GPR180: variants seen among roughly 807,000 people sequenced by gnomAD.
GPR180 encodes G protein-coupled receptor 180.
A neutral mutation model predicts 52.6 loss-of-function variants in GPR180; 53 were observed. That is an observed-to-expected ratio of 1.01 (90% CI 0.81 to 1.27). The LOEUF is 1.27. GPR180 is among the 50% of genes most tolerant of loss of function. The probability of loss-of-function intolerance (pLI) is 0.00; values close to 1 mark genes in which losing one functional copy is unlikely to be tolerated. For missense variants in GPR180, 533 were observed against 527.0 expected (o/e 1.01, Z -0.11); for synonymous variants, 200 against 193.1 (o/e 1.04, Z -0.30).
At chr13:94,609,988 C>T (rs1400102597) in intron 2 of GPR180, among the ~76,000 whole-genome samples, 1 of 152,116 alleles carries the variant, frequency 6.6e-6, no homozygotes, top group African/African-American at 2.4e-5. Flanking sequence ...TCCCAACATA[C>T]AGAAAGGTTG....
At position 94,633,822 on chromosome 13, in the gene GPR180, G is replaced by T. The variant is rs1890030466; in HGVS notation, c.*6651G>T. 1 of 150,070 alleles carries T rather than the reference G, an allele frequency of 6.7e-6. No homozygotes were observed. Among genetic ancestry groups the T allele is most frequent in the Admixed American group, 6.6e-5 (1 of 15,120 alleles). 9.3% of individuals were successfully genotyped at this position (150,070 alleles called of 1,614,324 possible). On this transcript the variant is annotated 3_prime_UTR_variant, in exon 9 of 9. Coordinates refer to ENST00000376958, the MANE Select transcript of GPR180 (RefSeq NM_180989.6). ...TGTATTTTCATCTAGTGGTTTTATG[G>T]TTTTATTTTGTATGTTTTTTTCATC...
intron 1 of GPR180, among the ~76,000 whole-genome samples, chr13:94,604,612 G>C (rs1056448072): frequency 1.3e-5 from 2 of 152,012 alleles, no homozygotes; most frequent in African/African-American, 4.8e-5. Flanking sequence ...GTTTTGCTCT[G>C]TCACCCAGAC....
At chr13:94,615,988 GT>G (rs1445794779) in intron 3 of GPR180, among the ~76,000 whole-genome samples, 1 of 152,170 alleles carries the variant, frequency 6.6e-6, no homozygotes, top group Non-Finnish European at 1.5e-5. Context: ...ATAACAAGAA[GT>G]TTTGCGGCTT....
rs1200142698 is a variant in GPR180, at chr13:94,623,280, T to G, written c.1066T>G (p.Phe356Val). 1.2e-6 allele frequency: 2 copies of G among 1,611,814 alleles called. No homozygotes were observed. The highest frequency in any genetic ancestry group is 4.5e-5 in the East Asian group (2 of 44,860). ...TVERSTLKRE[F>V]YITFAKGCIL... Reference sequence around the variant, plus strand: ...GGAGAGAAGTACACTCAAAAGGGAGTTCTACATCACATTTGCCAAAGTATG... The same window carrying G: ...GGAGAGAAGTACACTCAAAAGGGAGGTCTACATCACATTTGCCAAAGTATG... Residue 356 changes from phenylalanine to valine, a missense_variant, in exon 7 of 9, where the codon TTC (phenylalanine) becomes GTC (valine). Coordinates refer to ENST00000376958, the MANE Select transcript of GPR180 (RefSeq NM_180989.6).
chr13:94,624,321 T>C (rs933462613), intron 7 of GPR180, among the ~76,000 whole-genome samples: 3 of 152,116 alleles, frequency 2.0e-5, no homozygotes, highest in African/African-American at 7.2e-5. Context: ...TGTCCAGAGT[T>C]ATTGGCCGTT....
rs1300695668 is a variant in GPR180, at chr13:94,632,895, C to T, written c.*5724C>T. ...TCAATTAATCATGCCTGTCATGAAA[C>T]CCCGAGAGAAACTCTGGTCAGTGAT... On this transcript the variant is annotated 3_prime_UTR_variant, in exon 9 of 9. Coordinates refer to ENST00000376958, the MANE Select transcript of GPR180 (RefSeq NM_180989.6). 6.6e-6 allele frequency: 1 copy of T among 152,166 alleles called. No individual in the cohort carries two copies. Among genetic ancestry groups the T allele is most frequent in the Non-Finnish European group, 1.5e-5 (1 of 68,056 alleles). The allele number at this position is 152,166 out of a possible 1,614,324, so 9.4% of individuals were successfully genotyped here.
chr13:94,621,341 A>G (rs1889849299), intron 6 of GPR180, 106 bp downstream of exon 6: 3 of 812,142 alleles, frequency 3.7e-6, no homozygotes. Flanking sequence ...AATTTGTGTC[A>G]TTTTTTTTTT....
At chr13:94,602,587 G>A (rs986175672) in intron 1 of GPR180, among the ~76,000 whole-genome samples, 14 of 150,974 alleles carry the variant, frequency 9.3e-5, no homozygotes, top group Non-Finnish European at 1.8e-4. Context: ...GTTATATTGA[G>A]CAGTTTGGTT....
rs1052259002 is a variant in GPR180 at position 94,630,409 on chromosome 13, A to G, written c.*3238A>G. 1.1e-4 allele frequency: 17 copies of G among 152,374 alleles called. No homozygotes were observed. The East Asian group carries it at 3.1e-3, about 28-fold the overall frequency. The allele number at this position is 152,374 out of a possible 1,614,324, so 9.4% of individuals were successfully genotyped here. A position where few individuals can be genotyped will look rare whatever the true frequency, so the allele number is the denominator to read the frequency against. On this transcript the variant is annotated 3_prime_UTR_variant, in exon 9 of 9. Coordinates refer to ENST00000376958, the MANE Select transcript of GPR180 (RefSeq NM_180989.6). ...AATCATCTGGATGATGAGCATACAG[A>G]AATTCTTTGTGCTAATCTTGTAATT...
At chr13:94,623,068 TA>T (rs764490065) in intron 6 of GPR180, 40 bp from the exon 7 acceptor site, 13 of 1,415,058 alleles carry the variant, frequency 9.2e-6, no homozygotes, top group Admixed American at 5.6e-5. Context: ...TAATGAGGTA[TA>T]TTTTTTTTTC....
intron 5 of GPR180, among the ~76,000 whole-genome samples, chr13:94,620,470 T>G (rs1380424579): frequency 1.3e-5 from 2 of 152,242 alleles, no homozygotes; most frequent in Non-Finnish European, 2.9e-5. Context: ...AGGCTTCCCC[T>G]GCAGTGTAGG....
Position 94,633,004 on chromosome 13 carries a change from T to G in GPR180, c.*5833T>G, listed in dbSNP as rs1890019153. On this transcript the variant is annotated 3_prime_UTR_variant, in exon 9 of 9. Transcript: ENST00000376958. ...CCCTGAGGGCACAGAAACTTTGTGT[T>G]TGGGATCCTCTTACACCTTGCTCTA... 6.6e-6 allele frequency: 1 copy of G among 152,324 alleles called. No homozygotes were observed. The highest frequency in any genetic ancestry group is 1.5e-5 in the Non-Finnish European group (1 of 68,124). The allele number at this position is 152,324 out of a possible 1,614,324, so 9.4% of individuals were successfully genotyped here. A position where few individuals can be genotyped will look rare whatever the true frequency, so the allele number is the denominator to read the frequency against.
At position 94,623,291 on chromosome 13, in the gene GPR180, A is replaced by G; in HGVS notation, c.1077A>G (p.Thr359=). The G allele has an allele frequency of 6.2e-7, 1 of 1,610,600 alleles. No homozygotes were observed. The highest frequency in any genetic ancestry group is 8.5e-7 in the Non-Finnish European group (1 of 1,177,860). ...CACTCAAAAGGGAGTTCTACATCAC[A>G]TTTGCCAAAGTATGGGTTTGGAAAG... ...RSTLKREFYI[T]FAKGCILWFL... Residue 359 remains threonine (T), a synonymous_variant, in exon 7 of 9, where the codon ACA becomes ACG. Coordinates refer to ENST00000376958, the MANE Select transcript of GPR180 (RefSeq NM_180989.6).
At chr13:94,611,213 A>G (rs955061766) in intron 2 of GPR180, among the ~76,000 whole-genome samples, 5 of 152,102 alleles carry the variant, frequency 3.3e-5, no homozygotes, top group Non-Finnish European at 5.9e-5. Context: ...CAGTATAATA[A>G]CTTCTGCATT....
rs1187553254 is a variant in GPR180 at position 94,632,447 on chromosome 13, C to G, written c.*5276C>G. On this transcript the variant is annotated 3_prime_UTR_variant, in exon 9 of 9. Transcript: ENST00000376958. ...TCAGCAATTTATTCTGTAGCCTTAC[C>G]TAGAATTGTCCCATTTTTTTCACCA... The G allele has an allele frequency of 6.6e-6, 1 of 152,126 alleles. No homozygotes were observed. The highest frequency in any genetic ancestry group is 2.4e-5 in the African/African-American group (1 of 41,430). 9.4% of individuals were successfully genotyped at this position (152,126 alleles called of 1,614,324 possible). A position where few individuals can be genotyped will look rare whatever the true frequency, so the allele number is the denominator to read the frequency against.
chr13:94,607,092 A>G (rs574775790), intron 2 of GPR180, among the ~76,000 whole-genome samples: 1 of 152,266 alleles, frequency 6.6e-6, no homozygotes, highest in Non-Finnish European at 1.5e-5. Context: ...TGGCACCACC[A>G]TCCATCCAGT....
chr13:94,604,256 C>T lies in GPR180; in HGVS notation c.146-1135C>T, dbSNP rs577491902. Among the ~76,000 whole-genome samples, 26 of 151,984 alleles carry T rather than the reference C, an allele frequency of 1.7e-4. No individual in the cohort carries two copies. The South Asian group carries it at 5.0e-3, about 29-fold the overall frequency. On this transcript the variant is annotated intron_variant, in intron 1 of 8. Transcript: ENST00000376958. Reference sequence around the variant, plus strand: ...GGGTGAGGCAGGAGAATCGCTTGAACCGGGGAGGCGGAGGTTGCAGTTAGC... The same window carrying T: ...GGGTGAGGCAGGAGAATCGCTTGAATCGGGGAGGCGGAGGTTGCAGTTAGC...
chr13:94,603,776 A>G (rs1477949032), intron 1 of GPR180, among the ~76,000 whole-genome samples: 1 of 151,416 alleles, frequency 6.6e-6, no homozygotes, highest in East Asian at 1.9e-4. Flanking sequence ...AGAAGATCTT[A>G]AAATGAAAAA....
At position 94,630,111 on chromosome 13, in the gene GPR180, A is replaced by G. The variant is rs1471064997; in HGVS notation, c.*2940A>G. On this transcript the variant is annotated 3_prime_UTR_variant, in exon 9 of 9. Coordinates refer to ENST00000376958, the MANE Select transcript of GPR180 (RefSeq NM_180989.6). Reference sequence around the variant, plus strand: ...AGAGGTAATACTGTTTTTTATTCCAACATGTATTTGTGAATTGAGACTAAA... The same window carrying G: ...AGAGGTAATACTGTTTTTTATTCCAGCATGTATTTGTGAATTGAGACTAAA... The G allele has an allele frequency of 6.6e-6, 1 of 152,214 alleles. No individual in the cohort carries two copies. The highest frequency in any genetic ancestry group is 1.5e-5 in the Non-Finnish European group (1 of 68,030). The allele number at this position is 152,214 out of a possible 1,614,324, so 9.4% of individuals were successfully genotyped here.
Sources: allele counts gnomAD v4.1 joint callset (sites outside exome capture counted in the v4.1 genomes callset), GRCh38; gene constraint gnomAD v4.1.1; transcripts MANE v1.5; gene names NCBI Gene and HGNC (gene_info 2026-07-23, HGNC 2026-07-21).